CACNA1E: variants seen among roughly 807,000 people sequenced by gnomAD.
The protein encoded by CACNA1E is voltage-dependent R-type calcium channel subunit alpha-1E.
CACNA1E carries 40 observed loss-of-function variants against 259.2 expected under a neutral mutation model. That is an observed-to-expected ratio of 0.15 (90% confidence interval 0.12 to 0.20). The LOEUF is 0.20. CACNA1E is among the 10% of genes least tolerant of loss of function. The pLI is 1.00. For synonymous variants in CACNA1E, 1,104 were observed against 1,138.5 expected (o/e 0.97, Z 0.61); for missense variants, 1,874 against 3,040.1 (o/e 0.62, Z 9.02).
chr1:181,756,780 A>T, intron 29 of CACNA1E, 145 bp from the exon 30 acceptor site: 1 of 626,814 alleles, frequency 1.6e-6, no homozygotes, highest in South Asian at 1.9e-5. Flanking sequence ...GCAGGATATG[A>T]CAACTTGGGT....
chr1:181,336,340 A>G (rs1340354846), intron 1 of CACNA1E, among the ~76,000 whole-genome samples: 1 of 152,090 alleles, frequency 6.6e-6, no homozygotes, highest in Non-Finnish European at 1.5e-5. Context: ...GGTAGGCACT[A>G]CTCTAAGCCC....
rs954775262 is a variant in CACNA1E, at chr1:181,772,144, A to T, written c.5052A>T (p.Ala1684=). The T allele has an allele frequency of 1.2e-6, 2 of 1,613,902 alleles. No homozygotes were observed. Among genetic ancestry groups the T allele is most frequent in the Non-Finnish European group, 1.7e-6 (2 of 1,179,840 alleles). The change falls in exon 37 of 48, where the codon GCA becomes GCT. Residue 1684 remains alanine, a synonymous_variant. Transcript: ENST00000367573. Reference sequence around the variant, plus strand: ...AGGGCTGTGAGCCTGACACCACCGCACCATCAGGGCAGAACGAGAACGAAC... The same window carrying T: ...AGGGCTGTGAGCCTGACACCACCGCTCCATCAGGGCAGAACGAGAACGAAC... ...GEKGCEPDTT[A]PSGQNENERC...
At position 181,603,228 on chromosome 1, in the gene CACNA1E, A is replaced by C. The variant is rs560108046; in HGVS notation, c.951+22452A>C. Among the ~76,000 whole-genome samples, 122 of 152,356 alleles carry C rather than the reference A, an allele frequency of 8.0e-4. 1 individual carries two copies. Among genetic ancestry groups the C allele is most frequent in the Non-Finnish European group, 1.4e-3 (98 of 68,024 alleles). ...ATATTATATGCCAGGCGCTGTTCTA[A>C]GAGCGCTCTGTGGATATAAACCCAG... On this transcript the variant is annotated intron_variant, in intron 6 of 47. Transcript: ENST00000367573.
At chr1:181,700,503 C>A (rs1387801604) in intron 7 of CACNA1E, among the ~76,000 whole-genome samples, 1 of 152,214 alleles carries the variant, frequency 6.6e-6, no homozygotes, top group African/African-American at 2.4e-5. Flanking sequence ...CAAGAGCAAT[C>A]TACACAGTTT....
intron 1 of CACNA1E, among the ~76,000 whole-genome samples, chr1:181,365,746 G>A (rs566763271): frequency 1.7e-4 from 26 of 152,230 alleles, no homozygotes; most frequent in African/African-American, 6.0e-4. Context: ...CTTCTCTGTG[G>A]CTGGGGCCAT....
intron 2 of CACNA1E, among the ~76,000 whole-genome samples, chr1:181,457,064 G>A (rs1360635456): frequency 6.6e-6 from 1 of 152,196 alleles, no homozygotes; most frequent in Non-Finnish European, 1.5e-5. Flanking sequence ...CAAAGTAAGT[G>A]GCTTGTAACA....
intron 38 of CACNA1E, among the ~76,000 whole-genome samples, chr1:181,780,536 A>G (rs1214483020): frequency 1.3e-5 from 2 of 152,166 alleles, no homozygotes; most frequent in Non-Finnish European, 2.9e-5. Context: ...AGCCTGGACA[A>G]TGGGATAGAG....
chr1:181,793,976 C>A (rs950273992), intron 45 of CACNA1E, among the ~76,000 whole-genome samples, 183 bp downstream of exon 45: 2 of 152,214 alleles, frequency 1.3e-5, no homozygotes, highest in South Asian at 4.1e-4. Flanking sequence ...ATGACCCCCC[C>A]TAACCACAAC....
At chr1:181,737,422 G>C in intron 22 of CACNA1E, 103 bp from the exon 23 acceptor site, 1 of 1,370,560 alleles carries the variant, frequency 7.3e-7, no homozygotes, top group South Asian at 1.4e-5. Flanking sequence ...TTTGGCAAGG[G>C]CCTGGCTGTC....
chr1:181,750,517 A>C (rs962658704), intron 26 of CACNA1E, 30 bp downstream of exon 26: 1 of 1,607,354 alleles, frequency 6.2e-7, no homozygotes, highest in Non-Finnish European at 8.5e-7. Context: ...TTTGAAGTAA[A>C]CGATACAAGG....
rs561330252 is a variant in CACNA1E, at chr1:181,509,870, T to TC, written c.267-602dup. On this transcript the variant is annotated intron_variant, in intron 1 of 47. Transcript: ENST00000367573. ...AGGTGGGACAAAGCAAGCCTCTCCT[T>TC]CCCCCAGAAGTACATTGCTGAGTGG... 6.4e-4 allele frequency among the ~76,000 whole-genome samples: 98 copies of TC among 152,294 alleles called. 1 individual carries two copies. The highest frequency in any genetic ancestry group is 2.3e-3 in the African/African-American group (94 of 41,562).
At chr1:181,611,812 G>A (rs1249349786) in intron 6 of CACNA1E, among the ~76,000 whole-genome samples, 3 of 152,158 alleles carry the variant, frequency 2.0e-5, no homozygotes, top group South Asian at 2.1e-4. Flanking sequence ...TTCTTCTTGG[G>A]CAACAGGCTT....
In CACNA1E at chr1:181,801,399, G is replaced by C. The variant is rs967353227; in HGVS notation, c.*2565G>C. On this transcript the variant is annotated 3_prime_UTR_variant, in exon 48 of 48. Coordinates refer to ENST00000367573, the MANE Select transcript of CACNA1E (RefSeq NM_001205293.3). ...TCATACACACAGGTATTTGAGTCCT[G>C]AATAAAGTGTTGGAAAGCACTGCAG... 2.0e-5 allele frequency: 3 copies of C among 152,270 alleles called. No homozygotes were observed. The highest frequency in any genetic ancestry group is 7.2e-5 in the African/African-American group (3 of 41,446). The allele number at this position is 152,270 out of a possible 1,614,324, so 9.4% of individuals were successfully genotyped here. A position where few individuals can be genotyped will look rare whatever the true frequency, so the allele number is the denominator to read the frequency against.
rs765926804 is a variant in CACNA1E, at chr1:181,425,628, G to T, written c.434+12048G>T. ...AATCGCACATAACTTCTCATTGAAGGTGCAGGTGAGAAGGCTGAGGCGCAG... is the reference window on the plus strand; with the variant it reads ...AATCGCACATAACTTCTCATTGAAGTTGCAGGTGAGAAGGCTGAGGCGCAG... On this transcript the variant is annotated intron_variant, in intron 2 of 11. Coordinates refer to the CACNA1E transcript ENST00000524607. 1.5e-4 allele frequency among the ~76,000 whole-genome samples: 21 copies of T among 143,652 alleles called. 1 individual carries two copies. The highest frequency in any genetic ancestry group is 2.5e-4 in the Non-Finnish European group (17 of 67,164). 94.2% of individuals were successfully genotyped at this position (143,652 alleles called of 152,430 possible). A position where few individuals can be genotyped will look rare whatever the true frequency, so the allele number is the denominator to read the frequency against.
chr1:181,557,789 C>T lies in CACNA1E; in HGVS notation c.513-19977C>T, dbSNP rs545093047. The stretch of plus-strand genomic sequence containing the variant: ...AGAGGAGGGGGCAGAGCTGGCTCAG[C>T]GGCACTCTGTGGGGAAAGGACTCGG... On this transcript the variant is annotated intron_variant, in intron 3 of 47. Coordinates refer to ENST00000367573, the MANE Select transcript of CACNA1E (RefSeq NM_001205293.3). Among the ~76,000 whole-genome samples the T allele has an allele frequency of 1.1e-4, 17 of 152,220 alleles. No homozygotes were observed. The South Asian group carries it at 2.5e-3, about 22-fold the overall frequency.
intron 1 of CACNA1E, among the ~76,000 whole-genome samples, chr1:181,357,628 ACCT>A (rs5779096): frequency 0.035 from 5,268 of 151,912 alleles, 105 homozygotes; most frequent in Middle Eastern, 0.065. Flanking sequence ...CCAAAAGAAA[ACCT>A]CCTCCTTGCT....
At chr1:181,548,846 T>A (rs771621684) in intron 3 of CACNA1E, among the ~76,000 whole-genome samples, 12 of 152,258 alleles carry the variant, frequency 7.9e-5, no homozygotes, top group Non-Finnish European at 1.5e-4. Flanking sequence ...TTTAGTTGGC[T>A]AAGCCTCTTC....
At chr1:181,707,602 A>G (rs774927780) in intron 7 of CACNA1E, among the ~76,000 whole-genome samples, 3 of 152,066 alleles carry the variant, frequency 2.0e-5, no homozygotes, top group Admixed American at 1.3e-4. Context: ...CCCATTCTTC[A>G]TAGTCTAATT....
At chr1:181,697,897 T>C (rs1429243822) in intron 7 of CACNA1E, among the ~76,000 whole-genome samples, 5 of 152,178 alleles carry the variant, frequency 3.3e-5, no homozygotes, top group Non-Finnish European at 5.9e-5. Flanking sequence ...TACATAAGGG[T>C]GGACTTTGCT....
Sources: allele counts gnomAD v4.1 joint callset (sites outside exome capture counted in the v4.1 genomes callset), GRCh38; gene constraint gnomAD v4.1.1; transcripts MANE v1.5; gene names NCBI Gene and HGNC (gene_info 2026-07-23, HGNC 2026-07-21).